MSH5: variants seen among roughly 807,000 people sequenced by gnomAD.
MSH5 encodes mutS protein homolog 5.
A neutral mutation model predicts 107.7 loss-of-function variants in MSH5; 78 were observed. The ratio of observed to expected loss-of-function variants is 0.72; its 90% CI spans 0.60 to 0.87. MSH5 has a LOEUF of 0.87. MSH5 is among the 40% of genes least tolerant of loss of function. The pLI is 0.00. For synonymous variants in MSH5, 326 were observed against 399.5 expected (o/e 0.82, Z 2.19); for missense variants, 889 against 1,046.6 (o/e 0.85, Z 2.08).
At position 31,744,566 on chromosome 6, in the gene MSH5, A is replaced by G; in HGVS notation, c.668A>G (p.Asp223Gly). The change falls in exon 8 of 25, where the codon GAT becomes GGT. Residue 223 changes from aspartate to glycine, a missense_variant. Asp to Gly is a moderately conservative substitution (Grantham distance 94, BLOSUM62 -1). Around this residue, in one of 3 missense-constraint regions of MSH5, gnomAD observed 518 missense variants for 565.0 expected, o/e 0.92. Transcript: ENST00000375750. ...KFMLTHLVNI[D>G]QDTYSVLQIF... ...CTCAGGACTCATCTGGTGAACATAGATCAAGACACTTACAGGTAAAGAGGT... is the reference window on the plus strand; with the variant it reads ...CTCAGGACTCATCTGGTGAACATAGGTCAAGACACTTACAGGTAAAGAGGT... 1 of 1,613,272 alleles carries G rather than the reference A, an allele frequency of 6.2e-7. No individual in the cohort carries two copies. Among genetic ancestry groups the G allele is most frequent in the Non-Finnish European group, 8.5e-7 (1 of 1,180,030 alleles).
intron 12 of MSH5, chr6:31,754,120 C>G (rs1810226272): frequency 6.6e-6 from 1 of 151,996 alleles, no homozygotes; most frequent in Non-Finnish European, 1.5e-5. Flanking sequence ...GCAGTTTCAA[C>G]ACTTTAACTT....
At chr6:31,742,694 C>T (rs939370074) in intron 3 of MSH5, among the ~76,000 whole-genome samples, 183 bp from the exon 4 acceptor site, 8 of 152,328 alleles carry the variant, frequency 5.3e-5, no homozygotes, top group African/African-American at 1.9e-4. Context: ...CACCATCCCA[C>T]CACTCTTAAC....
chr6:31,761,304 A>C lies in MSH5; in HGVS notation c.2037+42A>C. 6.2e-7 allele frequency: 1 copy of C among 1,610,628 alleles called. No homozygotes were observed. ...ATGAGGGGAGAAACTAAGGAGGGGA[A>C]AATGGAGGAGGATGAAGGAGCATGA... On this transcript the variant is annotated intron_variant, in intron 21 of 24. Coordinates refer to ENST00000375750, the MANE Select transcript of MSH5 (RefSeq NM_172166.4). The surrounding 1 kb of genome is among the most constrained non-coding windows in gnomAD (Gnocchi z 5.3).
rs1343911709 is a variant in MSH5 at position 31,753,478 on chromosome 6, G to T, written c.951+39G>T. 1.9e-6 allele frequency: 3 copies of T among 1,612,436 alleles called. No homozygotes were observed. In the Admixed American group the frequency reaches 5.0e-5, roughly 27 times the overall value. The stretch of plus-strand genomic sequence containing the variant: ...GGAGGGCAGGGAGGTGGGGAAGGAG[G>T]TTGAGGGCTGATACTGGGCAGTGGG... On this transcript the variant is annotated intron_variant, in intron 11 of 24. Transcript: ENST00000375750.
chr6:31,745,377 C>A, intron 9 of MSH5, 58 bp downstream of exon 9: 1 of 1,209,450 alleles, frequency 8.3e-7, no homozygotes, highest in Non-Finnish European at 1.2e-6. Context: ...AAGCAATTGG[C>A]TCCAAAGATG....
intron 3 of MSH5, among the ~76,000 whole-genome samples, chr6:31,742,416 C>A (rs1377365384): frequency 6.6e-6 from 1 of 152,164 alleles, no homozygotes; most frequent in Non-Finnish European, 1.5e-5. Context: ...TGCCATCACG[C>A]CTGGCTAATT....
intron 3 of MSH5, 84 bp downstream of exon 3, chr6:31,741,370 C>CACAA: frequency 1.0e-6 from 1 of 1,000,254 alleles, no homozygotes; most frequent in Non-Finnish European, 1.4e-6. Flanking sequence ...CACACACACA[C>CACAA]ACACACACAC....
intron 10 of MSH5, among the ~76,000 whole-genome samples, chr6:31,749,003 C>T (rs1170786173): frequency 6.6e-6 from 1 of 151,596 alleles, no homozygotes; most frequent in Non-Finnish European, 1.5e-5. Flanking sequence ...GCAACCTCCA[C>T]CTCCCAGGTT....
At chr6:31,748,382 C>A (rs1176543899) in intron 10 of MSH5, among the ~76,000 whole-genome samples, 2 of 131,698 alleles carry the variant, frequency 1.5e-5, no homozygotes, top group South Asian at 2.5e-4. Flanking sequence ...GAGTTTCGCT[C>A]TTGTTGCCCA....
chr6:31,760,711 G>A lies in MSH5; in HGVS notation c.1834G>A (p.Ala612Thr). ...TCAGGTAGGCTTGATCACATTCATG[G>A]CCCTGGTAGGCAGCTTTGTGCCAGC... Reference protein sequence around the residue: ...LKQVGLITFMALVGSFVPAEE... With the variant: ...LKQVGLITFMTLVGSFVPAEE... Residue 612 changes from alanine to threonine, a missense_variant, in exon 20 of 25, where the codon GCC becomes ACC. Coordinates refer to ENST00000375750, the MANE Select transcript of MSH5 (RefSeq NM_172166.4). This position sits in a 1 kb window ranked among gnomAD's most constrained non-coding sequence, Gnocchi z 5.6. 2.5e-6 allele frequency: 4 copies of A among 1,613,020 alleles called. No individual in the cohort carries two copies. The highest frequency in any genetic ancestry group is 3.4e-6 in the Non-Finnish European group (4 of 1,180,044).
chr6:31,746,080 T>TGTGTGTGTGTGTGTG (rs1809423458), intron 9 of MSH5: 2 of 116,736 alleles, frequency 1.7e-5, no homozygotes, highest in African/African-American at 7.4e-5. Context: ...GTGTCCAGTT[T>TGTGTGTGTGTGTGTG]TGTGTGTGTG....
At chr6:31,748,916 CT>C (rs9279407) in intron 10 of MSH5, among the ~76,000 whole-genome samples, 81,450 of 109,288 alleles carry the variant, frequency 0.75, 28,634 homozygotes, top group Middle Eastern at 0.83. Context: ...TCTGGAAAGT[CT>C]TTTTTTTTTT....
At position 31,759,442 on chromosome 6, in the gene MSH5, G is replaced by A; in HGVS notation, c.1425G>A (p.Lys475=). The A allele has an allele frequency of 6.2e-7, 1 of 1,612,712 alleles. No individual in the cohort carries two copies. Among genetic ancestry groups the A allele is most frequent in the Non-Finnish European group, 8.5e-7 (1 of 1,179,988 alleles). ...GLDFMFLSEE[K]LHYRSARTKE... ...GTACCCAGTTTCTCTCAGAGGAGAA[G>A]CTGCACTATCGTAGTGCCCGAACCA... The change falls in exon 17 of 25, where the codon AAG becomes AAA. Residue 475 remains lysine (K), a synonymous_variant. Coordinates refer to ENST00000375750, the MANE Select transcript of MSH5 (RefSeq NM_172166.4). The surrounding 1 kb of genome is among the most constrained non-coding windows in gnomAD (Gnocchi z 4.7).
chr6:31,742,492 C>T (rs556874511), intron 3 of MSH5, among the ~76,000 whole-genome samples: 1 of 152,322 alleles, frequency 6.6e-6, no homozygotes, highest in African/African-American at 2.4e-5. Context: ...TCCTGGCCTC[C>T]AGTGATCTGC....
At chr6:31,741,376 C>CACAG in intron 3 of MSH5, 90 bp downstream of exon 3, 1 of 823,226 alleles carries the variant, frequency 1.2e-6, no homozygotes, top group South Asian at 1.9e-5. Flanking sequence ...CACACACACA[C>CACAG]ACACACATAT....
intron 7 of MSH5, 71 bp from the exon 8 acceptor site, chr6:31,744,475 A>AG (rs1247169657): frequency 6.3e-7 from 1 of 1,576,998 alleles, no homozygotes; most frequent in Non-Finnish European, 8.7e-7. Context: ...ATATTCAGAG[A>AG]GGGGGACAAA....
In MSH5 at chr6:31,740,974, A is replaced by C. The variant is rs1007104895; in HGVS notation, c.148-189A>C. ...AGACTCCGTCTCAAAGAAAGAAAGA[A>C]AAAAAAAACAGGGTTGGGAAGAGCT... On this transcript the variant is annotated intron_variant, in intron 2 of 24. Transcript: ENST00000375750. The surrounding 1 kb of genome is among the most constrained non-coding windows in gnomAD (Gnocchi z 4.4). Among the ~76,000 whole-genome samples, 2 of 150,278 alleles carry C rather than the reference A, an allele frequency of 1.3e-5. No individual in the cohort carries two copies. Among genetic ancestry groups the C allele is most frequent in the South Asian group, 4.2e-4 (2 of 4,798 alleles).
intron 10 of MSH5, among the ~76,000 whole-genome samples, chr6:31,750,473 C>T (rs1465502242): frequency 6.6e-6 from 1 of 152,194 alleles, no homozygotes; most frequent in Non-Finnish European, 1.5e-5. Flanking sequence ...CTTAGCTGTT[C>T]TCATTGGCGG....
intron 5 of MSH5, chr6:31,743,499 A>C: frequency 2.1e-6 from 1 of 481,948 alleles, no homozygotes; most frequent in African/African-American, 1.9e-5. Context: ...GCACTGCCTC[A>C]GTGACCCTTA....
Sources: allele counts gnomAD v4.1 joint callset (sites outside exome capture counted in the v4.1 genomes callset), GRCh38; gene constraint gnomAD v4.1.1; regional missense constraint gnomAD v4.1.1; non-coding constraint Gnocchi (gnomAD v3.1); transcripts MANE v1.5; gene names NCBI Gene and HGNC (gene_info 2026-07-23, HGNC 2026-07-21).